The following EPHA3 variants were observed in gnomAD, a reference collection of about 807,000 sequenced individuals.
The protein encoded by EPHA3 is EPH receptor A3, also known as ephrin type-A receptor 3.
EPHA3 carries 42 observed loss-of-function variants against 107.1 expected under a neutral mutation model. The observed-to-expected ratio is 0.39, with a 90% CI of 0.31 to 0.51. The LOEUF (loss-of-function observed/expected upper bound fraction) is 0.51. Among genes scored for constraint, EPHA3 ranks in the 20% least tolerant of loss-of-function variants. EPHA3 has a pLI of 0.78. For missense variants in EPHA3, 1,183 were observed against 1,211.2 expected (o/e 0.98, Z 0.35); for synonymous variants, 461 against 424.8 (o/e 1.09, Z -1.05).
chr3:89,299,752 T>C (rs1706439960), intron 3 of EPHA3, among the ~76,000 whole-genome samples: 1 of 152,018 alleles, frequency 6.6e-6, no homozygotes. Flanking sequence ...TAAAACGTTA[T>C]AGGCATAGTT....
At chr3:89,230,888 T>A (rs949623840) in intron 3 of EPHA3, among the ~76,000 whole-genome samples, 1 of 150,870 alleles carries the variant, frequency 6.6e-6, no homozygotes, top group Non-Finnish European at 1.5e-5. Flanking sequence ...CAGAAGAGCT[T>A]TATTTCAGAC....
At chr3:89,216,556 T>G (rs1370538579) in intron 3 of EPHA3, among the ~76,000 whole-genome samples, 1 of 152,106 alleles carries the variant, frequency 6.6e-6, no homozygotes. Context: ...GGTTGGACCC[T>G]AAAGAAAGTC....
chr3:89,318,716 A>C (rs1266418206), intron 3 of EPHA3, among the ~76,000 whole-genome samples: 4 of 151,956 alleles, frequency 2.6e-5, no homozygotes, highest in Non-Finnish European at 5.9e-5. Context: ...GCTAAGCATA[A>C]TCTATTGACC....
At chr3:89,339,147 C>T (rs940211912) in intron 3 of EPHA3, among the ~76,000 whole-genome samples, 4 of 151,902 alleles carry the variant, frequency 2.6e-5, no homozygotes, top group Admixed American at 6.6e-5. Context: ...CCGAGGCGGG[C>T]GGATCACAAG....
chr3:89,171,589 A>G (rs1705211040), intron 2 of EPHA3, among the ~76,000 whole-genome samples: 1 of 152,188 alleles, frequency 6.6e-6, no homozygotes, highest in Non-Finnish European at 1.5e-5. Flanking sequence ...GGGAAAGAAA[A>G]CAGCATCTAT....
At chr3:89,279,187 G>A (rs1406289250) in intron 3 of EPHA3, among the ~76,000 whole-genome samples, 1 of 151,822 alleles carries the variant, frequency 6.6e-6, no homozygotes, top group Non-Finnish European at 1.5e-5. Context: ...GTTCCTTAGA[G>A]TTTTTTTTAA....
intron 2 of EPHA3, among the ~76,000 whole-genome samples, chr3:89,175,214 G>A (rs1705294302): frequency 6.6e-6 from 1 of 151,828 alleles, no homozygotes; most frequent in Non-Finnish European, 1.5e-5. Flanking sequence ...AAACAAATTG[G>A]GTCACAGGTG....
intron 3 of EPHA3, among the ~76,000 whole-genome samples, chr3:89,273,266 C>T (rs1005372033): frequency 3.3e-5 from 5 of 151,878 alleles, no homozygotes; most frequent in Admixed American, 6.6e-5. Flanking sequence ...AAAGGAGGTA[C>T]AAGTGACATA....
intron 13 of EPHA3, among the ~76,000 whole-genome samples, chr3:89,440,889 GTCTT>G (rs1157723166): frequency 7.9e-5 from 12 of 152,186 alleles, no homozygotes; most frequent in African/African-American, 1.9e-4. Context: ...TCCAAAGTTA[GTCTT>G]TCTTTAAGAG....
chr3:89,281,658 GT>G (rs1310518767), intron 3 of EPHA3, among the ~76,000 whole-genome samples: 3 of 152,240 alleles, frequency 2.0e-5, no homozygotes, highest in African/African-American at 7.2e-5. Context: ...AAAAAGTAAT[GT>G]TTTCAAGATG....
At chr3:89,400,502 C>T (rs1379169410) in intron 7 of EPHA3, among the ~76,000 whole-genome samples, 1 of 152,100 alleles carries the variant, frequency 6.6e-6, no homozygotes, top group Non-Finnish European at 1.5e-5. Flanking sequence ...TCCCAAAGTG[C>T]TAGGATTATA....
chr3:89,121,912 T>C (rs2106961676), intron 1 of EPHA3, among the ~76,000 whole-genome samples: 1 of 152,328 alleles, frequency 6.6e-6, no homozygotes, highest in Middle Eastern at 3.4e-3. Flanking sequence ...AACTTCTCAA[T>C]ATCATACCCT....
chr3:89,427,892 G>A (rs182373434), intron 11 of EPHA3, among the ~76,000 whole-genome samples: 2 of 151,448 alleles, frequency 1.3e-5, no homozygotes, highest in African/African-American at 2.4e-5. Flanking sequence ...TTATATCAAA[G>A]CATCCTTTTT....
intron 5 of EPHA3, among the ~76,000 whole-genome samples, chr3:89,380,315 G>A (rs1469681621): frequency 3.3e-5 from 5 of 152,138 alleles, no homozygotes; most frequent in African/African-American, 1.2e-4. Flanking sequence ...GTATTTATGT[G>A]AGAATGAAGT....
At chr3:89,194,768 A>T (rs1211194120) in intron 2 of EPHA3, among the ~76,000 whole-genome samples, 1 of 152,098 alleles carries the variant, frequency 6.6e-6, no homozygotes, top group Non-Finnish European at 1.5e-5. Context: ...ATACCTATAC[A>T]GTTATTGAAA....
At chr3:89,113,738 T>TGGGGG (rs140518086) in intron 1 of EPHA3, among the ~76,000 whole-genome samples, 15 of 141,472 alleles carry the variant, frequency 1.1e-4, no homozygotes, top group African/African-American at 3.9e-4. Context: ...GGGGTTGAGG[T>TGGGGG]GGGGGGGGGC....
At chr3:89,291,232 G>A (rs553062849) in intron 3 of EPHA3, among the ~76,000 whole-genome samples, 12 of 152,218 alleles carry the variant, frequency 7.9e-5, no homozygotes, top group African/African-American at 7.2e-5. Flanking sequence ...TATCTTTGGA[G>A]TTCCTCCAAC....
intron 2 of EPHA3, among the ~76,000 whole-genome samples, chr3:89,136,937 TA>T (rs1200943779): frequency 6.6e-6 from 1 of 151,994 alleles, no homozygotes; most frequent in African/African-American, 2.4e-5. Context: ...ATTTTTTCTC[TA>T]AAACAAATAA....
chr3:89,353,928 T>A (rs1464934280), intron 5 of EPHA3, among the ~76,000 whole-genome samples: 3 of 151,264 alleles, frequency 2.0e-5, no homozygotes, highest in Non-Finnish European at 3.0e-5. Flanking sequence ...GACATGTACG[T>A]GGAAGGGTAT....
Sources: gnomAD v4.1 joint callset for allele counts (sites outside exome capture counted in the v4.1 genomes callset) on GRCh38, gnomAD v4.1.1 for gene constraint, MANE v1.5 for transcripts, NCBI Gene and HGNC (gene_info 2026-07-23, HGNC 2026-07-21) for gene names.